CAAP1: variants seen among roughly 807,000 people sequenced by gnomAD.
CAAP1 encodes caspase activity and apoptosis inhibitor 1, also known as conserved anti-apoptotic protein.
In CAAP1, 20 loss-of-function variants were observed where a neutral mutation model predicts 34.0. The observed-to-expected ratio is 0.59, with a 90% CI of 0.41 to 0.86. CAAP1 has a LOEUF of 0.86. CAAP1 is among the 40% of genes least tolerant of loss of function. The pLI is 0.00. For synonymous variants in CAAP1, 213 were observed against 166.7 expected (o/e 1.28, Z -2.14); for missense variants, 538 against 450.5 (o/e 1.19, Z -1.76).
intron 5 of CAAP1, among the ~76,000 whole-genome samples, chr9:26,845,404 C>G (rs1473090715): frequency 6.6e-6 from 1 of 152,122 alleles, no homozygotes; most frequent in Admixed American, 6.5e-5. Context: ...TGAATATTTG[C>G]TTTTTCTGTC....
At chr9:26,861,184 A>T in intron 4 of CAAP1, 45 bp from the exon 5 acceptor site, 1 of 1,400,678 alleles carries the variant, frequency 7.1e-7, no homozygotes, top group Non-Finnish European at 1.0e-6. Context: ...ATATTTAATC[A>T]CATAATATTT....
chr9:26,888,002 A>G (rs1823794534), intron 1 of CAAP1, among the ~76,000 whole-genome samples: 1 of 152,230 alleles, frequency 6.6e-6, no homozygotes, highest in Non-Finnish European at 1.5e-5. Flanking sequence ...AAGTAATTTC[A>G]GTAATTTAAG....
chr9:26,876,470 A>AG (rs371443806), intron 4 of CAAP1, among the ~76,000 whole-genome samples: 14,863 of 129,632 alleles, frequency 0.11, 855 homozygotes, highest in Middle Eastern at 0.22. Flanking sequence ...GCATTCTAGA[A>AG]GGTTTTTTTT....
intron 5 of CAAP1, among the ~76,000 whole-genome samples, chr9:26,854,263 G>A (rs1448843939): frequency 6.6e-6 from 1 of 152,076 alleles, no homozygotes; most frequent in Non-Finnish European, 1.5e-5. Flanking sequence ...AATGAAATAG[G>A]CATTCATATT....
chr9:26,892,614 G>A lies in CAAP1; in HGVS notation c.102C>T (p.Ser34=), dbSNP rs1823939205. 2 of 1,609,152 alleles carry A rather than the reference G, an allele frequency of 1.2e-6. No individual in the cohort carries two copies. Among genetic ancestry groups the A allele is most frequent in the Non-Finnish European group, 8.5e-7 (1 of 1,179,408 alleles). ...AAPDIVPALA[S]GSSGSTSGCG... is the part of the protein sequence containing the mutation. ...AGCCGCTAGTGCTTCCACTGCTGCC[G>A]CTGGCCAACGCGGGTACGATGTCCG... The change falls in exon 1 of 6, where the codon AGC becomes AGT. Residue 34 remains serine (S), a synonymous_variant. Coordinates refer to ENST00000333916, the MANE Select transcript of CAAP1 (RefSeq NM_024828.4).
At position 26,842,097 on chromosome 9, in the gene CAAP1, T is replaced by C. The variant is rs1025925408; in HGVS notation, c.*204A>G. On this transcript the variant is annotated 3_prime_UTR_variant, in exon 6 of 6. Coordinates refer to ENST00000333916, the MANE Select transcript of CAAP1 (RefSeq NM_024828.4). ...GGCTATCCAACTATATTGCCATGAA[T>C]TCATAAGACAGTAACACACATTTAT... The C allele has an allele frequency of 1.1e-5, 5 of 464,496 alleles. No homozygotes were observed. Among genetic ancestry groups the C allele is most frequent in the African/African-American group, 9.9e-5 (5 of 50,362 alleles). The allele number at this position is 464,496 out of a possible 1,614,324, so 28.8% of individuals were successfully genotyped here. A position where few individuals can be genotyped will look rare whatever the true frequency, so the allele number is the denominator to read the frequency against.
Position 26,887,475 on chromosome 9 carries a change from T to C in CAAP1, c.342A>G (p.Leu114=), listed in dbSNP as rs776431854. The C allele has an allele frequency of 1.2e-6, 2 of 1,606,236 alleles. No homozygotes were observed. Among genetic ancestry groups the C allele is most frequent in the Admixed American group, 3.5e-5 (2 of 57,858 alleles). ...KYILPTLEKE[L]FLAEHSDLEE... ...CAAGGTCACTGTGCTCTGCCAAGAA[T>C]AATTCTTTTTCCAAAGTTGGCAAAA... is the stretch of plus-strand genomic sequence containing the variant. Residue 114 remains leucine (L), a synonymous_variant, in exon 2 of 6, where the codon TTA becomes TTG. Transcript: ENST00000333916.
At chr9:26,845,607 C>CAA (rs1822581259) in intron 5 of CAAP1, among the ~76,000 whole-genome samples, 1 of 152,162 alleles carries the variant, frequency 6.6e-6, no homozygotes, top group African/African-American at 2.4e-5. Flanking sequence ...AACTCCTGAC[C>CAA]TCGTGATCCA....
chr9:26,879,395 G>A (rs944623629), intron 4 of CAAP1, among the ~76,000 whole-genome samples: 6 of 152,056 alleles, frequency 3.9e-5, no homozygotes, highest in South Asian at 2.1e-4. Context: ...CTGAATTTAC[G>A]TTAAAAATTC....
intron 1 of CAAP1, 181 bp downstream of exon 1, chr9:26,892,232 A>G (rs1393531994): frequency 2.1e-6 from 3 of 1,448,800 alleles, no homozygotes; most frequent in Admixed American, 5.6e-5. Flanking sequence ...TCAAGATTCA[A>G]GACACGGATG....
At chr9:26,861,689 T>A (rs1417737616) in intron 4 of CAAP1, among the ~76,000 whole-genome samples, 6 of 152,178 alleles carry the variant, frequency 3.9e-5, no homozygotes, top group Non-Finnish European at 5.9e-5. Flanking sequence ...CAAAATAATG[T>A]GCTTTCTTAG....
chr9:26,850,229 A>G (rs1169528649), intron 5 of CAAP1, among the ~76,000 whole-genome samples: 1 of 152,174 alleles, frequency 6.6e-6, no homozygotes, highest in Non-Finnish European at 1.5e-5. Context: ...CTTGCTACTG[A>G]CTAGACTTTA....
chr9:26,842,081 A>G lies in CAAP1; in HGVS notation c.*220T>C. The G allele has an allele frequency of 2.4e-6, 1 of 417,236 alleles. No homozygotes were observed. The allele number at this position is 417,236 out of a possible 1,614,324, so 25.8% of individuals were successfully genotyped here. A position where few individuals can be genotyped will look rare whatever the true frequency, so the allele number is the denominator to read the frequency against. On this transcript the variant is annotated 3_prime_UTR_variant, in exon 6 of 6. Transcript: ENST00000333916. ...TCTAACAAAGTATCCAGGCTATCCA[A>G]CTATATTGCCATGAATTCATAAGAC...
At position 26,892,585 on chromosome 9, in the gene CAAP1, C is replaced by T. The variant is rs981488269; in HGVS notation, c.131G>A (p.Gly44Glu). 3 of 1,602,122 alleles carry T rather than the reference C, an allele frequency of 1.9e-6. No homozygotes were observed. Among genetic ancestry groups the T allele is most frequent in the Non-Finnish European group, 2.6e-6 (3 of 1,175,858 alleles). ...SGSSGSTSGC[G>E]SAGGCGSVSC... ...GACGCTCCCGCAGCCCCCGGCGCTC[C>T]CGCAGCCGCTAGTGCTTCCACTGCT... Residue 44 changes from glycine to glutamate, a missense_variant, in exon 1 of 6, where the codon GGG becomes GAG. Physicochemically the swap from Gly to Glu is moderately conservative, Grantham distance 98. Transcript: ENST00000333916.
intron 1 of CAAP1, among the ~76,000 whole-genome samples, chr9:26,891,991 G>A (rs1823914679): frequency 6.6e-6 from 1 of 152,086 alleles, no homozygotes; most frequent in Non-Finnish European, 1.5e-5. Flanking sequence ...CTCTGTGACC[G>A]TGGGTAAAGT....
rs1259175617 is a variant in CAAP1 at position 26,892,463 on chromosome 9, G to A, written c.253C>T (p.Arg85Trp). ...GGSSVERSER[R>W]KRRSTDSSSV... Reference sequence around the variant, plus strand: ...GAAGAGTCGGTACTCCTCCGCTTCCGGCGCTCGCTGCGCTCCACGCTGCTC... The same window carrying A: ...GAAGAGTCGGTACTCCTCCGCTTCCAGCGCTCGCTGCGCTCCACGCTGCTC... The change falls in exon 1 of 6, where the codon CGG becomes TGG. Residue 85 changes from arginine (R) to tryptophan (W), a missense_variant. Arg to Trp is a moderately radical substitution (Grantham distance 101, BLOSUM62 -3). Transcript: ENST00000333916. 4 of 1,571,094 alleles carry A rather than the reference G, an allele frequency of 2.5e-6. No individual in the cohort carries two copies. Among genetic ancestry groups the A allele is most frequent in the South Asian group, 1.2e-5 (1 of 86,692 alleles).
intron 5 of CAAP1, among the ~76,000 whole-genome samples, chr9:26,845,095 G>T (rs1458702112): frequency 6.6e-6 from 1 of 152,096 alleles, no homozygotes; most frequent in Non-Finnish European, 1.5e-5. Flanking sequence ...TCCTGCTACT[G>T]TCTTCTTATC....
chr9:26,881,717 T>C lies in CAAP1; in HGVS notation c.665+3093A>G, dbSNP rs370470650. ...TGGTACCAGTAGAGTGGGGCACTGC[T>C]GTACAAATACACGAAAATGTGAAAG... On this transcript the variant is annotated intron_variant, in intron 4 of 5. Coordinates refer to ENST00000333916, the MANE Select transcript of CAAP1 (RefSeq NM_024828.4). 9.2e-5 allele frequency among the ~76,000 whole-genome samples: 14 copies of C among 152,320 alleles called. No homozygotes were observed. In the East Asian group the frequency reaches 2.7e-3, roughly 29 times the overall value.
At chr9:26,868,089 G>A (rs544003353) in intron 4 of CAAP1, among the ~76,000 whole-genome samples, 1 of 152,252 alleles carries the variant, frequency 6.6e-6, no homozygotes, top group East Asian at 1.9e-4. Context: ...GCTTTTATTT[G>A]AAAGTCAATA....
Sources: allele counts gnomAD v4.1 joint callset (sites outside exome capture counted in the v4.1 genomes callset), GRCh38; gene constraint gnomAD v4.1.1; transcripts MANE v1.5; gene names NCBI Gene and HGNC (gene_info 2026-07-23, HGNC 2026-07-21).